The following SLCO4C1 variants were observed in gnomAD, a reference collection of about 807,000 sequenced individuals.
SLCO4C1 encodes the protein solute carrier organic anion transporter family member 4C1.
SLCO4C1 carries 58 observed loss-of-function variants against 72.1 expected under a neutral mutation model. That is an observed-to-expected ratio of 0.80 (90% confidence interval 0.65 to 1.00). The LOEUF is 1.00. SLCO4C1 is among the 50% of genes least tolerant of loss of function. The pLI, the probability that SLCO4C1 is intolerant of heterozygous loss-of-function variation, is 0.00. For synonymous variants in SLCO4C1, 297 were observed against 312.5 expected (o/e 0.95, Z 0.52); for missense variants, 898 against 857.9 (o/e 1.05, Z -0.58).
At chr5:102,244,254 A>G (rs1271474540) in intron 10 of SLCO4C1, among the ~76,000 whole-genome samples, 1 of 152,210 alleles carries the variant, frequency 6.6e-6, no homozygotes, top group African/African-American at 2.4e-5. Flanking sequence ...TGAATAATGC[A>G]TCAGAGTCCT....
At chr5:102,270,466 T>A (rs2600830) in intron 3 of SLCO4C1, among the ~76,000 whole-genome samples, 158 bp downstream of exon 3, 121,395 of 152,122 alleles carry the variant, frequency 0.8, 48,832 homozygotes, top group African/African-American at 0.9. Flanking sequence ...CTGACATTAT[T>A]TGGCAGGAAA....
Position 102,244,576 on chromosome 5 carries a change from C to T in SLCO4C1, c.1811+2676G>A, listed in dbSNP as rs1305568594. ...CTAAGCAGATTTAACCCAAAGAAGACTACCTCAAGGCATTTAATAATCAAA... is the reference window on the plus strand; with the variant it reads ...CTAAGCAGATTTAACCCAAAGAAGATTACCTCAAGGCATTTAATAATCAAA... On this transcript the variant is annotated intron_variant, in intron 10 of 12. Coordinates refer to ENST00000310954, the MANE Select transcript of SLCO4C1 (RefSeq NM_180991.5). Among the ~76,000 whole-genome samples, 3 of 152,088 alleles carry T rather than the reference C, an allele frequency of 2.0e-5. No individual in the cohort carries two copies. The East Asian group carries it at 5.8e-4, about 29-fold the overall frequency.
chr5:102,288,483 C>T (rs1190992648), intron 2 of SLCO4C1, among the ~76,000 whole-genome samples: 1 of 152,166 alleles, frequency 6.6e-6, no homozygotes, highest in Non-Finnish European at 1.5e-5. Context: ...CATTTATCTC[C>T]CACCTGGACT....
At chr5:102,265,108 A>G (rs764478387) in intron 3 of SLCO4C1, among the ~76,000 whole-genome samples, 14 of 152,166 alleles carry the variant, frequency 9.2e-5, no homozygotes, top group Non-Finnish European at 1.9e-4. Flanking sequence ...GGTCATCTGT[A>G]TATCTTATTT....
chr5:102,244,707 G>C (rs1203301430), intron 10 of SLCO4C1, among the ~76,000 whole-genome samples: 54 of 152,174 alleles, frequency 3.5e-4, no homozygotes, highest in Non-Finnish European at 7.9e-4. Context: ...CTTTTCAGTG[G>C]AAACCTCATA....
chr5:102,280,148 C>T (rs1749328014), intron 2 of SLCO4C1, among the ~76,000 whole-genome samples: 1 of 115,174 alleles, frequency 8.7e-6, no homozygotes, highest in Non-Finnish European at 1.8e-5. Flanking sequence ...ACAGAAGGTA[C>T]AGGAAGTAAT....
At position 102,270,729 on chromosome 5, in the gene SLCO4C1, T is replaced by C; in HGVS notation, c.697A>G (p.Ile233Val). 6.2e-7 allele frequency: 1 copy of C among 1,613,106 alleles called. No individual in the cohort carries two copies. Among genetic ancestry groups the C allele is most frequent in the Non-Finnish European group, 8.5e-7 (1 of 1,179,458 alleles). ...GCCCCCAGCAATAGTTGTCCCAAGA[T>C]GAAGACATACAAGTAGTTAGAAAGT... ...SSLSNYLYVF[I>V]LGQLLLGAGG... The change falls in exon 3 of 13, where the codon ATC (isoleucine) becomes GTC (valine). Residue 233 changes from isoleucine (I) to valine (V), a missense_variant. By Grantham distance (29) the Ile-to-Val change is conservative. Transcript: ENST00000310954.
chr5:102,255,305 C>A (rs1279501134), intron 8 of SLCO4C1, among the ~76,000 whole-genome samples: 1 of 152,124 alleles, frequency 6.6e-6, no homozygotes, highest in Non-Finnish European at 1.5e-5. Context: ...GGACAGCACA[C>A]CTGGTAGTAA....
At chr5:102,288,019 A>C (rs1749488876) in intron 2 of SLCO4C1, among the ~76,000 whole-genome samples, 1 of 152,192 alleles carries the variant, frequency 6.6e-6, no homozygotes, top group Non-Finnish European at 1.5e-5. Context: ...AAATGCAAAA[A>C]TTCAACACAA....
chr5:102,294,888 T>C (rs1371532077), intron 1 of SLCO4C1, among the ~76,000 whole-genome samples: 1 of 152,212 alleles, frequency 6.6e-6, no homozygotes, highest in Non-Finnish European at 1.5e-5. Context: ...TCCAACCCTC[T>C]AAAATCTATA....
chr5:102,256,146 G>A (rs1003035140), intron 8 of SLCO4C1, among the ~76,000 whole-genome samples: 1 of 152,088 alleles, frequency 6.6e-6, no homozygotes, highest in African/African-American at 2.4e-5. Context: ...AGATGTTGCC[G>A]TGAGCCAAGA....
chr5:102,271,436 T>C (rs1284561887), intron 2 of SLCO4C1, among the ~76,000 whole-genome samples: 1 of 151,494 alleles, frequency 6.6e-6, no homozygotes, highest in Non-Finnish European at 1.5e-5. Flanking sequence ...GGCAAGCCTA[T>C]CTATAGGACA....
chr5:102,237,395 G>A (rs1475357786), intron 12 of SLCO4C1, among the ~76,000 whole-genome samples: 1 of 151,852 alleles, frequency 6.6e-6, no homozygotes, highest in African/African-American at 2.4e-5. Context: ...TTGAGTCCAA[G>A]AGTTCGAGAC....
At chr5:102,257,822 G>C (rs766637919) in intron 7 of SLCO4C1, 121 bp downstream of exon 7, 101 of 899,652 alleles carry the variant, frequency 1.1e-4, no homozygotes, top group Non-Finnish European at 1.6e-4. Flanking sequence ...GTTTCACCAT[G>C]TTGGCCGGGC....
At chr5:102,255,874 A>C (rs1441837167) in intron 8 of SLCO4C1, among the ~76,000 whole-genome samples, 2 of 152,136 alleles carry the variant, frequency 1.3e-5, no homozygotes, top group Non-Finnish European at 2.9e-5. Flanking sequence ...TGCCAAGAAG[A>C]TCTGCCAGAG....
intron 3 of SLCO4C1, 71 bp from the exon 4 acceptor site, chr5:102,263,851 C>A (rs1748987094): frequency 1.7e-6 from 2 of 1,144,016 alleles, no homozygotes; most frequent in South Asian, 1.4e-5. Context: ...ACAGTGAAAA[C>A]AAATATTTTA....
intron 8 of SLCO4C1, among the ~76,000 whole-genome samples, chr5:102,250,545 G>C (rs1336519803): frequency 1.3e-5 from 2 of 152,304 alleles, no homozygotes; most frequent in East Asian, 3.9e-4. Flanking sequence ...TAGAAGTAGA[G>C]AGGGACTTAG....
chr5:102,286,931 A>G (rs1749463512), intron 2 of SLCO4C1, among the ~76,000 whole-genome samples: 1 of 152,090 alleles, frequency 6.6e-6, no homozygotes, highest in South Asian at 2.1e-4. Context: ...TACTAGCTAT[A>G]TTACTTTAGT....
intron 1 of SLCO4C1, among the ~76,000 whole-genome samples, chr5:102,294,089 G>C (rs1350870192): frequency 6.6e-6 from 1 of 152,150 alleles, no homozygotes; most frequent in African/African-American, 2.4e-5. Context: ...TTGTATTTTT[G>C]GTAGAGACGG....
Sources: gnomAD v4.1 joint callset for allele counts (sites outside exome capture counted in the v4.1 genomes callset) on GRCh38, gnomAD v4.1.1 for gene constraint, MANE v1.5 for transcripts, NCBI Gene and HGNC (gene_info 2026-07-23, HGNC 2026-07-21) for gene names.